The following CDK14 variants were observed in gnomAD, a reference collection of about 807,000 sequenced individuals.
CDK14 encodes cyclin dependent kinase 14, also known as cyclin-dependent kinase 14.
Under a neutral mutation model 60.7 loss-of-function variants are expected in CDK14, and 34 were observed. The ratio of observed to expected loss-of-function variants is 0.56; its 90% CI spans 0.43 to 0.75. CDK14 has a LOEUF of 0.75. CDK14 is among the 30% of genes least tolerant of loss of function. The pLI, the probability that CDK14 is intolerant of heterozygous loss-of-function variation, is 0.00. For synonymous variants in CDK14, 197 were observed against 203.7 expected (o/e 0.97, Z 0.28); for missense variants, 482 against 564.1 (o/e 0.85, Z 1.47).
intron 11 of CDK14, among the ~76,000 whole-genome samples, chr7:91,063,516 C>T (rs573057226): frequency 3.9e-5 from 6 of 152,152 alleles, no homozygotes; most frequent in Non-Finnish European, 7.3e-5. Context: ...TTAAAAAGGA[C>T]ATAAGTATGT....
At chr7:90,762,050 G>A (rs929298935) in intron 4 of CDK14, among the ~76,000 whole-genome samples, 1 of 152,142 alleles carries the variant, frequency 6.6e-6, no homozygotes, top group African/African-American at 2.4e-5. Flanking sequence ...AGAGTAGTGG[G>A]TTATGTATAT....
At position 90,995,807 on chromosome 7, in the gene CDK14, T is replaced by C. The variant is rs948300210; in HGVS notation, c.1041+11566T>C. ...GTATGTCTTAGAGTTATTTGTTGAA[T>C]GCACATTCTTAGACCCCACTGAGGA... is the stretch of plus-strand genomic sequence containing the variant. On this transcript the variant is annotated intron_variant, in intron 10 of 14. Transcript: ENST00000380050. 2.6e-5 allele frequency among the ~76,000 whole-genome samples: 3 copies of C among 114,128 alleles called. No homozygotes were observed. The Admixed American group carries it at 2.7e-4, about 10-fold the overall frequency. 74.9% of individuals were successfully genotyped at this position (114,128 alleles called of 152,430 possible). A position where few individuals can be genotyped will look rare whatever the true frequency, so the allele number is the denominator to read the frequency against.
At chr7:91,174,092 G>GTA in intron 14 of CDK14, among the ~76,000 whole-genome samples, 4 of 152,138 alleles carry the variant, frequency 2.6e-5, no homozygotes. Context: ...GGTTCTCCCA[G>GTA]CATGCAGCTG....
intron 6 of CDK14, among the ~76,000 whole-genome samples, chr7:90,897,739 T>C (rs1792382211): frequency 6.6e-6 from 1 of 152,062 alleles, no homozygotes; most frequent in Admixed American, 6.6e-5. Context: ...TTTATATAGT[T>C]ACTCAGGAAA....
At chr7:90,790,505 A>C in intron 4 of CDK14, 68 bp from the exon 5 acceptor site, 1 of 976,354 alleles carries the variant, frequency 1.0e-6, no homozygotes, top group Non-Finnish European at 1.5e-6. Flanking sequence ...TATAAATTAT[A>C]AGGAAGACAA....
At chr7:90,640,702 A>G (rs887657574) in intron 2 of CDK14, among the ~76,000 whole-genome samples, 1 of 152,090 alleles carries the variant, frequency 6.6e-6, no homozygotes, top group Admixed American at 6.5e-5. Flanking sequence ...GATCTGTGAG[A>G]TCATCAGAGT....
intron 14 of CDK14, among the ~76,000 whole-genome samples, chr7:91,178,973 C>G (rs995621733): frequency 5.3e-5 from 8 of 152,160 alleles, no homozygotes; most frequent in African/African-American, 1.9e-4. Flanking sequence ...TACCAAAGGA[C>G]TATAAATCAT....
At chr7:90,603,911 T>C (rs1419022161) in intron 1 of CDK14, among the ~76,000 whole-genome samples, 1 of 152,260 alleles carries the variant, frequency 6.6e-6, no homozygotes, top group Non-Finnish European at 1.5e-5. Context: ...GATTCTTTTA[T>C]ACTTTCATTG....
At chr7:90,952,968 A>T (rs555312433) in intron 8 of CDK14, among the ~76,000 whole-genome samples, 29 of 152,150 alleles carry the variant, frequency 1.9e-4, no homozygotes, top group African/African-American at 6.8e-4. Flanking sequence ...ATATATATTT[A>T]TACTTCAAAG....
intron 2 of CDK14, among the ~76,000 whole-genome samples, chr7:90,684,971 T>C (rs889193807): frequency 3.4e-5 from 5 of 148,886 alleles, no homozygotes; most frequent in African/African-American, 7.5e-5. Context: ...TAAATATGTA[T>C]ATGTTTTTAT....
At chr7:91,105,438 G>T (rs1311359371) in intron 12 of CDK14, among the ~76,000 whole-genome samples, 2 of 152,180 alleles carry the variant, frequency 1.3e-5, no homozygotes, top group Admixed American at 6.5e-5. Context: ...TATGGATGGG[G>T]ATGTAAAAGT....
chr7:91,119,789 A>G (rs926327212), intron 14 of CDK14, among the ~76,000 whole-genome samples: 1 of 152,190 alleles, frequency 6.6e-6, no homozygotes, highest in Non-Finnish European at 1.5e-5. Context: ...ATAAAGTATG[A>G]TGTATAAATG....
chr7:90,686,106 A>G (rs1038500325), intron 2 of CDK14, among the ~76,000 whole-genome samples: 1 of 152,192 alleles, frequency 6.6e-6, no homozygotes, highest in Non-Finnish European at 1.5e-5. Flanking sequence ...ATGATATTGT[A>G]GCTACTTCAT....
intron 5 of CDK14, among the ~76,000 whole-genome samples, chr7:90,812,501 A>G (rs1469643319): frequency 6.6e-6 from 1 of 152,202 alleles, no homozygotes; most frequent in Non-Finnish European, 1.5e-5. Flanking sequence ...TTGCATTAGG[A>G]GATATACCTA....
chr7:91,047,413 A>T (rs1797270665), intron 11 of CDK14, among the ~76,000 whole-genome samples: 1 of 152,228 alleles, frequency 6.6e-6, no homozygotes, highest in Admixed American at 6.5e-5. Context: ...AGCATTTATT[A>T]GTTGTATTTT....
chr7:90,891,901 G>T (rs1792136182), intron 6 of CDK14, among the ~76,000 whole-genome samples: 1 of 152,232 alleles, frequency 6.6e-6, no homozygotes, highest in Non-Finnish European at 1.5e-5. Flanking sequence ...TAATGCAAAA[G>T]CAGAATTTCT....
intron 2 of CDK14, among the ~76,000 whole-genome samples, chr7:90,715,000 A>G (rs548686392): frequency 9.9e-4 from 151 of 152,172 alleles, no homozygotes; most frequent in South Asian, 9.1e-3. Flanking sequence ...CGCTGTTCAT[A>G]TGGTTACTGG....
At chr7:90,882,010 T>G (rs1791771967) in intron 6 of CDK14, among the ~76,000 whole-genome samples, 1 of 151,978 alleles carries the variant, frequency 6.6e-6, no homozygotes, top group Non-Finnish European at 1.5e-5. Context: ...CCAATGACAC[T>G]ACGAAGAAAC....
chr7:90,995,829 A>G (rs1795667952), intron 10 of CDK14, among the ~76,000 whole-genome samples: 1 of 152,192 alleles, frequency 6.6e-6, no homozygotes, highest in Non-Finnish European at 1.5e-5. Context: ...GACCCCACTG[A>G]GGATTCTGAA....
Sources: allele counts gnomAD v4.1 joint callset (sites outside exome capture counted in the v4.1 genomes callset), GRCh38; gene constraint gnomAD v4.1.1; transcripts MANE v1.5; gene names NCBI Gene and HGNC (gene_info 2026-07-23, HGNC 2026-07-21).